Variants in JMJD1C observed in about 807,000 individuals in gnomAD.
The protein encoded by JMJD1C is jumonji domain containing 1C, also known as jumonji domain-containing protein 1C.
Under a neutral mutation model 245.3 loss-of-function variants are expected in JMJD1C, and 31 were observed. That is an observed-to-expected ratio of 0.13 (90% CI 0.09 to 0.17). JMJD1C has a LOEUF of 0.17. Among genes scored for constraint, JMJD1C ranks in the 10% least tolerant of loss-of-function variants. JMJD1C has a pLI of 1.00. For missense variants in JMJD1C, 2,691 were observed against 3,000.2 expected (o/e 0.90, Z 2.41); for synonymous variants, 1,057 against 1,017.4 (o/e 1.04, Z -0.74).
intron 2 of JMJD1C, among the ~76,000 whole-genome samples, chr10:63,280,803 T>C (rs1238831426): frequency 1.3e-5 from 2 of 152,182 alleles, no homozygotes; most frequent in African/African-American, 2.4e-5. Context: ...GAATGTTTCA[T>C]GTATTATTCA....
chr10:63,500,024 A>T (rs189733623), intron 1 of JMJD1C, among the ~76,000 whole-genome samples: 5 of 152,372 alleles, frequency 3.3e-5, no homozygotes, highest in East Asian at 3.9e-4. Context: ...TCAGCCTTGA[A>T]TTAGTCATAT....
chr10:63,334,395 T>C (rs1006760849), intron 2 of JMJD1C, among the ~76,000 whole-genome samples: 3 of 152,196 alleles, frequency 2.0e-5, no homozygotes, highest in African/African-American at 7.2e-5. Flanking sequence ...TCTATACTTC[T>C]ATATGTCAGG....
chr10:63,448,188 GCT>G (rs1951824188), intron 1 of JMJD1C, among the ~76,000 whole-genome samples: 1 of 151,864 alleles, frequency 6.6e-6, no homozygotes, highest in Non-Finnish European at 1.5e-5. Context: ...ATGGAGTCTT[GCT>G]CTGTCACCTA....
intron 14 of JMJD1C, among the ~76,000 whole-genome samples, 169 bp downstream of exon 14, chr10:63,194,117 A>G (rs1279302251): frequency 6.6e-6 from 1 of 152,192 alleles, no homozygotes; most frequent in African/African-American, 2.4e-5. Context: ...TGAGGCTTGG[A>G]CTTATCTTCT....
intron 2 of JMJD1C, among the ~76,000 whole-genome samples, chr10:63,334,221 G>GT (rs1724285795): frequency 6.6e-6 from 1 of 152,240 alleles, no homozygotes; most frequent in African/African-American, 2.4e-5. Context: ...AGAGGACATG[G>GT]TTTTTTCTGT....
At chr10:63,456,957 A>G (rs1952453958) in intron 1 of JMJD1C, among the ~76,000 whole-genome samples, 1 of 152,152 alleles carries the variant, frequency 6.6e-6, no homozygotes, top group African/African-American at 2.4e-5. Flanking sequence ...AAATACTACT[A>G]AGACATTATT....
At chr10:63,480,392 C>T (rs1953795267) in intron 1 of JMJD1C, among the ~76,000 whole-genome samples, 1 of 151,092 alleles carries the variant, frequency 6.6e-6, no homozygotes, top group Non-Finnish European at 1.5e-5. Context: ...AATCATAGCT[C>T]ACTGTACTTC....
chr10:63,518,751 C>T (rs1465654101), intron 1 of JMJD1C, among the ~76,000 whole-genome samples: 1 of 152,252 alleles, frequency 6.6e-6, no homozygotes, highest in Non-Finnish European at 1.5e-5. Flanking sequence ...GACTGTCCCA[C>T]ACCTCTCTAG....
At chr10:63,452,003 C>T (rs1952099207) in intron 1 of JMJD1C, among the ~76,000 whole-genome samples, 1 of 152,128 alleles carries the variant, frequency 6.6e-6, no homozygotes, top group Admixed American at 6.6e-5. Context: ...CAAATGAAGA[C>T]AGGAAAGCTT....
At chr10:63,484,838 G>T (rs1035002334) in intron 1 of JMJD1C, among the ~76,000 whole-genome samples, 1 of 151,730 alleles carries the variant, frequency 6.6e-6, no homozygotes, top group Non-Finnish European at 1.5e-5. Flanking sequence ...AAAATAGAGG[G>T]GGGGAATAAA....
chr10:63,270,741 T>C (rs1205944392), intron 2 of JMJD1C, among the ~76,000 whole-genome samples: 2 of 152,142 alleles, frequency 1.3e-5, no homozygotes, highest in Admixed American at 1.3e-4. Flanking sequence ...GTGCTGGGAT[T>C]TCAGGCATGA....
Position 63,168,425 on chromosome 10 carries a change from C to G in JMJD1C, c.7533+10G>C. On this transcript the variant is annotated intron_variant, in intron 25 of 25. Coordinates refer to ENST00000399262, the MANE Select transcript of JMJD1C (RefSeq NM_032776.3). ...CCTGAAGAACAGGACCTAGAACACCCAACTCTTACCTGTAGTTTATCATCA... is the reference window on the plus strand; with the variant it reads ...CCTGAAGAACAGGACCTAGAACACCGAACTCTTACCTGTAGTTTATCATCA... The G allele has an allele frequency of 1.3e-6, 2 of 1,598,648 alleles. No individual in the cohort carries two copies. Among genetic ancestry groups the G allele is most frequent in the East Asian group, 4.5e-5 (2 of 44,706 alleles).
intron 1 of JMJD1C, among the ~76,000 whole-genome samples, chr10:63,419,180 G>C (rs188801732): frequency 1.9e-4 from 29 of 151,542 alleles, no homozygotes; most frequent in African/African-American, 7.0e-4. Flanking sequence ...GAGGTCAGGA[G>C]TTCGAGACCA....
chr10:63,205,555 G>T (rs938651986), intron 10 of JMJD1C, among the ~76,000 whole-genome samples: 1 of 152,154 alleles, frequency 6.6e-6, no homozygotes, highest in Admixed American at 6.5e-5. Context: ...GCATTATAAG[G>T]AATCTAGAAA....
At chr10:63,219,148 G>C (rs190801617) in intron 4 of JMJD1C, among the ~76,000 whole-genome samples, 1 of 152,178 alleles carries the variant, frequency 6.6e-6, no homozygotes, top group Admixed American at 6.5e-5. Context: ...ATTTAGCCTA[G>C]GAAGAATTAA....
At position 63,337,211 on chromosome 10, in the gene JMJD1C, G is replaced by A. The variant is rs186637452; in HGVS notation, c.333+43107C>T. On this transcript the variant is annotated intron_variant, in intron 2 of 25. Transcript: ENST00000399262. ...TCATAGAAACTCCACCATTGAGACC[G>A]GCACGGGCACCACTGAGACTGGGCA... Among the ~76,000 whole-genome samples, 488 of 151,624 alleles carry A rather than the reference G, an allele frequency of 3.2e-3. 4 individuals are homozygous for A. The highest frequency in any genetic ancestry group is 0.011 in the South Asian group (54 of 4,778).
At chr10:63,452,306 G>A (rs536643146) in intron 1 of JMJD1C, among the ~76,000 whole-genome samples, 45 of 152,270 alleles carry the variant, frequency 3.0e-4, no homozygotes, top group Admixed American at 9.1e-4. Flanking sequence ...CTCCAAAGGA[G>A]ATACACAAAT....
intron 3 of JMJD1C, among the ~76,000 whole-genome samples, chr10:63,243,892 T>G (rs1169564810): frequency 6.6e-6 from 1 of 152,168 alleles, no homozygotes; most frequent in African/African-American, 2.4e-5. Context: ...TCACTTTCTA[T>G]CTGCAGTGCC....
At chr10:63,295,933 G>GTATATATATA (rs1554877069) in intron 2 of JMJD1C, among the ~76,000 whole-genome samples, 2 of 55,430 alleles carry the variant, frequency 3.6e-5, no homozygotes, top group Admixed American at 1.4e-4. Flanking sequence ...ATGTACATGT[G>GTATATATATA]TATACATATA....
Sources: gnomAD v4.1 joint callset for allele counts (sites outside exome capture counted in the v4.1 genomes callset) on GRCh38, gnomAD v4.1.1 for gene constraint, MANE v1.5 for transcripts, NCBI Gene and HGNC (gene_info 2026-07-23, HGNC 2026-07-21) for gene names.